RAB27B: variants seen among roughly 807,000 people sequenced by gnomAD.
RAB27B encodes the protein ras-related protein Rab-27B.
A neutral mutation model predicts 24.6 loss-of-function variants in RAB27B; 15 were observed. The ratio of observed to expected loss-of-function variants is 0.61; its 90% CI spans 0.41 to 0.94. The LOEUF is 0.94. Ranked by LOEUF, RAB27B falls within the 40% of genes least tolerant of loss-of-function variation. RAB27B has a pLI of 0.00. For missense variants in RAB27B, 261 were observed against 266.8 expected, an observed-to-expected ratio of 0.98 and a Z score of 0.15; for synonymous variants, 105 against 92.5, an observed-to-expected ratio of 1.14 and a Z score of -0.78.
At chr18:54,761,060 A>G (rs762763541) in intron 2 of RAB27B, among the ~76,000 whole-genome samples, 4 of 151,694 alleles carry the variant, frequency 2.6e-5, no homozygotes, top group Admixed American at 1.3e-4. Context: ...CAAATGGGAT[A>G]ATTTATAGTA....
intron 1 of RAB27B, among the ~76,000 whole-genome samples, chr18:54,846,281 A>G (rs1911334197): frequency 6.6e-6 from 1 of 152,256 alleles, no homozygotes; most frequent in African/African-American, 2.4e-5. Context: ...GAAAGCACAT[A>G]GAAAACAAGG....
At chr18:54,827,705 T>C (rs182552981), upstream of RAB27B, among the ~76,000 whole-genome samples, 26 of 152,322 alleles carry the variant, frequency 1.7e-4, no homozygotes, top group Admixed American at 4.6e-4. Flanking sequence ...CTTTTAAATT[T>C]TGTTCACAGA....
chr18:54,779,117 C>T (rs754137210), intron 2 of RAB27B, among the ~76,000 whole-genome samples: 2 of 152,174 alleles, frequency 1.3e-5, no homozygotes, highest in Non-Finnish European at 2.9e-5. Context: ...GGATTACAGG[C>T]ATGAGCCACC....
intron 1 of RAB27B, among the ~76,000 whole-genome samples, chr18:54,863,653 A>G (rs899991772): frequency 6.6e-6 from 1 of 152,160 alleles, no homozygotes; most frequent in Admixed American, 6.5e-5. Context: ...ACCCGTATAC[A>G]TTGGCAGTCA....
chr18:54,844,611 T>A (rs943369473), intron 1 of RAB27B, among the ~76,000 whole-genome samples: 3 of 152,034 alleles, frequency 2.0e-5, no homozygotes, highest in Non-Finnish European at 4.4e-5. Flanking sequence ...TTCACCATGT[T>A]GGCCAGACTG....
At chr18:54,857,618 A>T (rs1911836562) in intron 1 of RAB27B, among the ~76,000 whole-genome samples, 1 of 152,246 alleles carries the variant, frequency 6.6e-6, no homozygotes. Context: ...GAAGATGTGC[A>T]TGCACGAGCT....
chr18:54,877,818 T>G, intron 2 of RAB27B, 80 bp downstream of exon 2: 2 of 1,391,788 alleles, frequency 1.4e-6, no homozygotes, highest in South Asian at 1.5e-5. Flanking sequence ...GTTTATTGCA[T>G]TGGAGTCTGT....
At chr18:54,809,633 A>T (rs1909901398) in intron 2 of RAB27B, among the ~76,000 whole-genome samples, 1 of 152,212 alleles carries the variant, frequency 6.6e-6, no homozygotes, top group African/African-American at 2.4e-5. Context: ...ATAAGTCAAA[A>T]CCAAGTGTTT....
chr18:54,815,798 A>G (rs1329199280), intron 2 of RAB27B, among the ~76,000 whole-genome samples: 1 of 152,028 alleles, frequency 6.6e-6, no homozygotes, highest in Non-Finnish European at 1.5e-5. Context: ...CTAATTTTGT[A>G]TTTTTAGTAT....
chr18:54,886,624 G>T (rs998645916), intron 4 of RAB27B, among the ~76,000 whole-genome samples: 1 of 151,780 alleles, frequency 6.6e-6, no homozygotes, highest in Non-Finnish European at 1.5e-5. Flanking sequence ...CCAAATTTTG[G>T]TGGTAGCTTT....
At chr18:54,727,512 A>G (rs1010804175) in intron 2 of RAB27B, among the ~76,000 whole-genome samples, 2 of 152,166 alleles carry the variant, frequency 1.3e-5, no homozygotes, top group Admixed American at 6.5e-5. Context: ...CAAGAGCTTC[A>G]GTTCTGGTAG....
chr18:54,784,456 GT>G (rs1239823148), intron 2 of RAB27B, among the ~76,000 whole-genome samples: 13 of 152,220 alleles, frequency 8.5e-5, no homozygotes, highest in African/African-American at 3.1e-4. Flanking sequence ...TCCACCCTCT[GT>G]TCCCCATTTT....
intron 2 of RAB27B, among the ~76,000 whole-genome samples, chr18:54,799,780 C>T (rs867594187): frequency 7.9e-5 from 12 of 152,032 alleles, no homozygotes; most frequent in Middle Eastern, 3.4e-3. Context: ...CAGGCGTCCA[C>T]CACCACACCT....
chr18:54,721,191 T>A (rs954208661), intron 2 of RAB27B, among the ~76,000 whole-genome samples: 13 of 152,136 alleles, frequency 8.5e-5, no homozygotes, highest in African/African-American at 3.1e-4. Flanking sequence ...TGAGATTCAG[T>A]TTTTGAGTGT....
At chr18:54,859,776 C>T (rs1251661488) in intron 1 of RAB27B, among the ~76,000 whole-genome samples, 3 of 152,114 alleles carry the variant, frequency 2.0e-5, no homozygotes, top group Non-Finnish European at 2.9e-5. Context: ...GAGTTTGAAA[C>T]GTGGTCAATC....
intron 2 of RAB27B, among the ~76,000 whole-genome samples, chr18:54,732,373 T>C (rs1034694993): frequency 6.6e-6 from 1 of 152,186 alleles, no homozygotes; most frequent in Admixed American, 6.6e-5. Context: ...TTTTGGAATA[T>C]ATAAAGTGAT....
chr18:54,780,876 A>G (rs1274793587), intron 2 of RAB27B, among the ~76,000 whole-genome samples: 1 of 152,202 alleles, frequency 6.6e-6, no homozygotes, highest in Non-Finnish European at 1.5e-5. Context: ...AGGTTGGATA[A>G]TGCTGAGCTT....
chr18:54,792,036 C>T (rs750576450), intron 2 of RAB27B, among the ~76,000 whole-genome samples: 71 of 152,178 alleles, frequency 4.7e-4, no homozygotes, highest in Non-Finnish European at 9.4e-4. Flanking sequence ...TTTTCCAGCA[C>T]GCCAAGGCAA....
chr18:54,805,959 A>G (rs1295779420), intron 2 of RAB27B, among the ~76,000 whole-genome samples: 1 of 152,222 alleles, frequency 6.6e-6, no homozygotes, highest in Non-Finnish European at 1.5e-5. Context: ...AACCCAATTC[A>G]TGTGAAACCA....
Sources: gnomAD v4.1 joint callset for allele counts (sites outside exome capture counted in the v4.1 genomes callset) on GRCh38, gnomAD v4.1.1 for gene constraint, MANE v1.5 for transcripts, NCBI Gene and HGNC (gene_info 2026-07-23, HGNC 2026-07-21) for gene names.